LRRIQ1: variants seen among roughly 807,000 people sequenced by gnomAD.
LRRIQ1 encodes the protein leucine rich repeats and IQ motif containing 1.
A neutral mutation model predicts 211.9 loss-of-function variants in LRRIQ1; 210 were observed. That is an observed-to-expected ratio of 0.99 (90% CI 0.89 to 1.11). The LOEUF is 1.11. LRRIQ1 is among the 50% of genes most tolerant of loss of function. The pLI is 0.00. For synonymous variants in LRRIQ1, 699 were observed against 650.1 expected (o/e 1.08, Z -1.14); for missense variants, 2,136 against 1,939.5 (o/e 1.10, Z -1.90).
At chr12:85,037,833 G>A (rs2135848999) in intron 1 of LRRIQ1, among the ~76,000 whole-genome samples, 1 of 152,090 alleles carries the variant, frequency 6.6e-6, no homozygotes, top group East Asian at 1.9e-4. Flanking sequence ...TGCAACTCAT[G>A]CATACATACC....
intron 15 of LRRIQ1, among the ~76,000 whole-genome samples, chr12:85,111,169 T>C (rs1013721961): frequency 1.3e-5 from 2 of 152,148 alleles, no homozygotes; most frequent in African/African-American, 2.4e-5. Flanking sequence ...GCTTCCATTT[T>C]GTAGACCTGT....
chr12:85,115,849 TA>T (rs1352954227), intron 15 of LRRIQ1, among the ~76,000 whole-genome samples: 1 of 152,168 alleles, frequency 6.6e-6, no homozygotes, highest in Admixed American at 6.5e-5. Flanking sequence ...ATGCTTATAG[TA>T]AAATATATTT....
intron 18 of LRRIQ1, among the ~76,000 whole-genome samples, chr12:85,136,186 G>T (rs1399059437): frequency 1.9e-4 from 19 of 99,860 alleles, no homozygotes; most frequent in Admixed American, 9.6e-4. Context: ...GTGTATGTGG[G>T]TGTGCACACA....
intron 23 of LRRIQ1, among the ~76,000 whole-genome samples, chr12:85,155,241 G>T (rs7132143): frequency 0.027 from 4,154 of 151,312 alleles, 188 homozygotes; most frequent in African/African-American, 0.095. Context: ...ATTTTTTCAG[G>T]TTTAAAACAT....
chr12:85,194,963 T>C, intron 24 of LRRIQ1, among the ~76,000 whole-genome samples: 1 of 151,840 alleles, frequency 6.6e-6, no homozygotes, highest in Non-Finnish European at 1.5e-5. Context: ...AAGAATCAAA[T>C]AGATGCAATA....
intron 6 of LRRIQ1, among the ~76,000 whole-genome samples, chr12:85,051,114 G>A (rs191590186): frequency 1.1e-4 from 16 of 152,188 alleles, no homozygotes; most frequent in Non-Finnish European, 1.9e-4. Flanking sequence ...TAATGACTGA[G>A]TATTTGCTCC....
chr12:85,262,656 G>A (rs1593037341), intron 1 of LRRIQ1, among the ~76,000 whole-genome samples: 1 of 152,008 alleles, frequency 6.6e-6, no homozygotes, highest in African/African-American at 2.4e-5. Context: ...ATTTGAATCT[G>A]TTGATAGAAG....
intron 3 of LRRIQ1, among the ~76,000 whole-genome samples, chr12:85,043,669 C>G (rs2135897060): frequency 6.6e-6 from 1 of 151,324 alleles, no homozygotes; most frequent in East Asian, 1.9e-4. Flanking sequence ...TAGAGACTAT[C>G]TACTAGAATA....
downstream of LRRIQ1, among the ~76,000 whole-genome samples, chr12:85,246,768 T>C (rs184431394): frequency 5.9e-5 from 9 of 151,654 alleles, no homozygotes; most frequent in East Asian, 1.7e-3. Context: ...TAAGGCAAAC[T>C]ACTTTAGAAG....
At chr12:85,255,867 T>C (rs1283765253) in intron 1 of LRRIQ1, among the ~76,000 whole-genome samples, 1 of 151,740 alleles carries the variant, frequency 6.6e-6, no homozygotes, top group South Asian at 2.1e-4. Context: ...TGACTAGACC[T>C]AGAAGATGAA....
chr12:85,061,677 G>T (rs1303891087), intron 8 of LRRIQ1, among the ~76,000 whole-genome samples: 5 of 151,600 alleles, frequency 3.3e-5, no homozygotes, highest in East Asian at 3.9e-4. Context: ...ATTCTTGAGT[G>T]CTCAATTCTA....
At chr12:85,153,216 T>C in intron 21 of LRRIQ1, 71 bp downstream of exon 21, 1 of 1,336,064 alleles carries the variant, frequency 7.5e-7, no homozygotes, top group African/African-American at 1.5e-5. Flanking sequence ...ACAAAAGTAG[T>C]ACAATTATAA....
intron 15 of LRRIQ1, among the ~76,000 whole-genome samples, chr12:85,121,031 G>T (rs754426316): frequency 2.0e-5 from 3 of 151,948 alleles, no homozygotes; most frequent in Non-Finnish European, 2.9e-5. Context: ...GCAGTGGCAC[G>T]ATCTTGGGTC....
At chr12:85,197,595 A>T (rs1001143254) in intron 24 of LRRIQ1, among the ~76,000 whole-genome samples, 1 of 148,062 alleles carries the variant, frequency 6.8e-6, no homozygotes, top group African/African-American at 2.5e-5. Flanking sequence ...ACCAAACACC[A>T]CATATTCTCA....
At chr12:85,207,768 T>A (rs1198317937) in intron 24 of LRRIQ1, among the ~76,000 whole-genome samples, 2 of 152,184 alleles carry the variant, frequency 1.3e-5, no homozygotes, top group Non-Finnish European at 2.9e-5. Context: ...TGTTCCGACA[T>A]CATTTGATGA....
At chr12:85,110,321 T>A (rs917822726) in intron 15 of LRRIQ1, among the ~76,000 whole-genome samples, 12 of 152,114 alleles carry the variant, frequency 7.9e-5, no homozygotes, top group African/African-American at 2.7e-4. Flanking sequence ...AAAATAATAA[T>A]GATCAAAACC....
At chr12:85,116,100 A>T (rs1246663028) in intron 15 of LRRIQ1, among the ~76,000 whole-genome samples, 1 of 152,192 alleles carries the variant, frequency 6.6e-6, no homozygotes, top group East Asian at 1.9e-4. Context: ...GCAGTGCCAC[A>T]ATATTTCTTA....
At position 85,124,436 on chromosome 12, in the gene LRRIQ1, C is replaced by T. The variant is rs1888220960; in HGVS notation, c.3924C>T (p.Pro1308=). ...KREDSKASSI[P]TIRIPFKEVV... ...AAGACAGCAAGGCAAGCAGTATTCC[C>T]ACCATAAGAATCCCATTTAAGGAAG... Residue 1308 remains proline (P), a synonymous_variant, in exon 17 of 27, where the codon CCC becomes CCT. Transcript: ENST00000393217. 1.2e-6 allele frequency: 2 copies of T among 1,613,964 alleles called. No individual in the cohort carries two copies.
intron 6 of LRRIQ1, among the ~76,000 whole-genome samples, chr12:85,051,349 A>T (rs1036773708): frequency 6.6e-6 from 1 of 152,286 alleles, no homozygotes; most frequent in African/African-American, 2.4e-5. Flanking sequence ...TTTATGAATT[A>T]TCTAGCCTCA....
Sources: gnomAD v4.1 joint callset for allele counts (sites outside exome capture counted in the v4.1 genomes callset) on GRCh38, gnomAD v4.1.1 for gene constraint, MANE v1.5 for transcripts, NCBI Gene and HGNC (gene_info 2026-07-23, HGNC 2026-07-21) for gene names.